The following RIT2 variants were observed in gnomAD, a reference collection of about 807,000 sequenced individuals.
The protein encoded by RIT2 is Ras like without CAAX 2.
Under a neutral mutation model 23.7 loss-of-function variants are expected in RIT2, and 24 were observed. That is an observed-to-expected ratio of 1.01 (90% CI 0.73 to 1.43). The LOEUF (loss-of-function observed/expected upper bound fraction) is 1.43. Among genes scored for constraint, RIT2 ranks in the 40% most tolerant of loss-of-function variants. RIT2 has a pLI of 0.00. For missense variants in RIT2, 236 were observed against 266.9 expected (o/e 0.88, Z 0.81); for synonymous variants, 107 against 91.1 (o/e 1.17, Z -0.99).
At chr18:42,993,338 A>T (rs1436954658) in intron 2 of RIT2, among the ~76,000 whole-genome samples, 1 of 152,204 alleles carries the variant, frequency 6.6e-6, no homozygotes, top group Non-Finnish European at 1.5e-5. Flanking sequence ...TTCTCAGCTT[A>T]GTGGCTGAAG....
intron 2 of RIT2, among the ~76,000 whole-genome samples, chr18:43,011,587 T>A (rs1240710318): frequency 1.3e-5 from 2 of 151,604 alleles, no homozygotes; most frequent in Admixed American, 6.6e-5. Context: ...TAAGAGAAAA[T>A]CAACCAAATA....
intron 2 of RIT2, among the ~76,000 whole-genome samples, chr18:43,009,330 C>T (rs1362206318): frequency 1.3e-5 from 2 of 151,542 alleles, no homozygotes; most frequent in Non-Finnish European, 3.0e-5. Flanking sequence ...ACAAGTGGAG[C>T]TCAGAAGGGA....
At chr18:42,857,811 T>C (rs1021880507) in intron 4 of RIT2, among the ~76,000 whole-genome samples, 10 of 152,202 alleles carry the variant, frequency 6.6e-5, no homozygotes, top group African/African-American at 2.4e-4. Flanking sequence ...GGGAATTACA[T>C]GGTATTTGGT....
At chr18:42,775,091 A>C (rs1913636501) in intron 4 of RIT2, among the ~76,000 whole-genome samples, 1 of 152,198 alleles carries the variant, frequency 6.6e-6, no homozygotes, top group Non-Finnish European at 1.5e-5. Flanking sequence ...TCTTAGTGGC[A>C]CAACATAACA....
chr18:43,102,196 A>G (rs891691162), intron 1 of RIT2, among the ~76,000 whole-genome samples: 2 of 152,154 alleles, frequency 1.3e-5, no homozygotes, highest in African/African-American at 4.8e-5. Flanking sequence ...ATGCAGAATG[A>G]TTTTTACCCT....
chr18:42,977,576 G>T (rs1020575954), intron 2 of RIT2, among the ~76,000 whole-genome samples: 1 of 151,800 alleles, frequency 6.6e-6, no homozygotes, highest in African/African-American at 2.4e-5. Flanking sequence ...TCACAAATCA[G>T]ATTATTGCTA....
chr18:43,019,889 A>G (rs1374516121), intron 2 of RIT2, among the ~76,000 whole-genome samples: 3 of 152,076 alleles, frequency 2.0e-5, no homozygotes, highest in African/African-American at 7.2e-5. Context: ...CTATACACCA[A>G]TAATGAACTA....
chr18:42,883,199 C>T (rs114070902), intron 4 of RIT2, among the ~76,000 whole-genome samples: 1,981 of 152,068 alleles, frequency 0.013, 45 homozygotes, highest in African/African-American at 0.045. Flanking sequence ...ACCTGGTGTG[C>T]TAGCATATGT....
intron 1 of RIT2, among the ~76,000 whole-genome samples, chr18:43,110,088 A>C (rs1663570593): frequency 6.6e-6 from 1 of 152,146 alleles, no homozygotes; most frequent in African/African-American, 2.4e-5. Flanking sequence ...TAAGATCATA[A>C]TCAGAATAAG....
intron 3 of RIT2, among the ~76,000 whole-genome samples, chr18:42,967,839 T>G (rs1910272558): frequency 6.6e-6 from 1 of 151,834 alleles, no homozygotes; most frequent in Non-Finnish European, 1.5e-5. Context: ...GTCCCAGACT[T>G]ACATATTTAT....
intron 4 of RIT2, among the ~76,000 whole-genome samples, chr18:42,777,882 T>C (rs1430498558): frequency 1.3e-5 from 2 of 152,202 alleles, no homozygotes; most frequent in East Asian, 3.8e-4. Context: ...TCTTGCTACA[T>C]GATAAAATAA....
chr18:43,073,118 G>T (rs535258952), intron 1 of RIT2, among the ~76,000 whole-genome samples: 1 of 150,304 alleles, frequency 6.7e-6, no homozygotes, highest in Non-Finnish European at 1.5e-5. Context: ...AGGGGCCACA[G>T]TCCAGCTTTC....
intron 4 of RIT2, among the ~76,000 whole-genome samples, chr18:42,907,173 G>T (rs868519468): frequency 3.9e-5 from 6 of 152,138 alleles, no homozygotes; most frequent in Non-Finnish European, 7.4e-5. Flanking sequence ...GCATAGACTA[G>T]TCATGTAGGC....
At chr18:42,874,506 T>C (rs1907696908) in intron 4 of RIT2, among the ~76,000 whole-genome samples, 1 of 152,124 alleles carries the variant, frequency 6.6e-6, no homozygotes, top group African/African-American at 2.4e-5. Context: ...TTGAAGTCTT[T>C]AGATTAGAAA....
At chr18:43,103,257 G>A (rs1467919083) in intron 1 of RIT2, among the ~76,000 whole-genome samples, 2 of 151,996 alleles carry the variant, frequency 1.3e-5, no homozygotes, top group Admixed American at 6.5e-5. Context: ...ACATATGCCC[G>A]GTGTCTTACT....
intron 3 of RIT2, among the ~76,000 whole-genome samples, chr18:42,927,890 C>T (rs1013811712): frequency 5.3e-5 from 8 of 151,756 alleles, no homozygotes; most frequent in African/African-American, 1.9e-4. Context: ...ATCTCATATT[C>T]CAGCTTCTTG....
chr18:43,077,631 T>A (rs954196410), intron 1 of RIT2, among the ~76,000 whole-genome samples: 1 of 152,206 alleles, frequency 6.6e-6, no homozygotes, highest in Non-Finnish European at 1.5e-5. Context: ...TGATGATTCA[T>A]GTAACATCTT....
intron 4 of RIT2, among the ~76,000 whole-genome samples, chr18:42,831,382 G>C (rs113692927): frequency 5.3e-5 from 8 of 152,158 alleles, no homozygotes; most frequent in Non-Finnish European, 8.8e-5. Context: ...AATTAATTTG[G>C]TTTTTTATTG....
chr18:42,978,699 T>C (rs1187925960), intron 2 of RIT2, among the ~76,000 whole-genome samples: 1 of 152,160 alleles, frequency 6.6e-6, no homozygotes, highest in African/African-American at 2.4e-5. Context: ...CCTTAAAATT[T>C]ATCTCAAAGT....
Sources: gnomAD v4.1 joint callset for allele counts (sites outside exome capture counted in the v4.1 genomes callset) on GRCh38, gnomAD v4.1.1 for gene constraint, MANE v1.5 for transcripts, NCBI Gene and HGNC (gene_info 2026-07-23, HGNC 2026-07-21) for gene names.